The following GAREM1 variants were observed in gnomAD, a reference collection of about 807,000 sequenced individuals.
GAREM1 encodes the protein GRB2 associated regulator of MAPK1 subtype 1.
In GAREM1, 26 loss-of-function variants were observed where a neutral mutation model predicts 71.3. That is an observed-to-expected ratio of 0.36 (90% CI 0.27 to 0.51). GAREM1 has a LOEUF of 0.51. GAREM1 is among the 20% of genes least tolerant of loss of function. The pLI, the probability that GAREM1 is intolerant of heterozygous loss-of-function variation, is 0.95. For synonymous variants in GAREM1, 440 were observed against 433.2 expected (o/e 1.02, Z -0.20); for missense variants, 1,026 against 1,103.1 (o/e 0.93, Z 0.99).
chr18:32,435,518 C>A (rs2048667511), intron 1 of GAREM1, among the ~76,000 whole-genome samples: 2 of 151,890 alleles, frequency 1.3e-5, no homozygotes, highest in East Asian at 3.9e-4. Context: ...CATTTGTCTG[C>A]AGAACATCAT....
At chr18:32,370,842 A>G (rs181443226) in intron 2 of GAREM1, among the ~76,000 whole-genome samples, 1 of 152,334 alleles carries the variant, frequency 6.6e-6, no homozygotes, top group Admixed American at 6.5e-5. Flanking sequence ...GCTGTTTACA[A>G]TCTTTATATA....
chr18:32,440,108 AT>A (rs1262333809), intron 1 of GAREM1, among the ~76,000 whole-genome samples: 6 of 152,102 alleles, frequency 3.9e-5, no homozygotes, highest in Non-Finnish European at 8.8e-5. Flanking sequence ...CATTTATTTG[AT>A]TGTTTATTAG....
At chr18:32,456,130 A>C (rs1196226118) in intron 1 of GAREM1, among the ~76,000 whole-genome samples, 1 of 152,174 alleles carries the variant, frequency 6.6e-6, no homozygotes, top group Non-Finnish European at 1.5e-5. Context: ...ACTTCTCTGT[A>C]TATGTGAAAA....
chr18:32,362,605 A>C (rs970541108), intron 2 of GAREM1, among the ~76,000 whole-genome samples: 4 of 152,230 alleles, frequency 2.6e-5, no homozygotes, highest in Non-Finnish European at 5.9e-5. Flanking sequence ...TATATGGTTT[A>C]ACCAAATGAT....
intron 4 of GAREM1, among the ~76,000 whole-genome samples, chr18:32,279,981 G>A (rs2041592665): frequency 6.6e-6 from 1 of 152,128 alleles, no homozygotes; most frequent in Non-Finnish European, 1.5e-5. Flanking sequence ...TGGGAACTTA[G>A]GTATGGCTTG....
rs1011295504 is a variant in GAREM1, at chr18:32,267,058, G to A, written c.*813C>T. On this transcript the variant is annotated 3_prime_UTR_variant, in exon 6 of 6. Coordinates refer to ENST00000269209, the MANE Select transcript of GAREM1 (RefSeq NM_001242409.2). ...GAGTCATTCTGTCCACTATTCCTAA[G>A]AGAATCAATGTAGATAACAGTCCCA... 4 of 152,178 alleles carry A rather than the reference G, an allele frequency of 2.6e-5. No homozygotes were observed. The highest frequency in any genetic ancestry group is 9.7e-5 in the African/African-American group (4 of 41,442). 9.4% of individuals were successfully genotyped at this position (152,178 alleles called of 1,614,324 possible). A position where few individuals can be genotyped will look rare whatever the true frequency, so the allele number is the denominator to read the frequency against.
At chr18:32,269,692 A>T (rs2041429303) in intron 5 of GAREM1, among the ~76,000 whole-genome samples, 1 of 152,186 alleles carries the variant, frequency 6.6e-6, no homozygotes, top group Non-Finnish European at 1.5e-5. Context: ...GGTACTTGCC[A>T]ACAATGGAAT....
chr18:32,337,234 G>A (rs1440081655), intron 2 of GAREM1, among the ~76,000 whole-genome samples: 1 of 152,162 alleles, frequency 6.6e-6, no homozygotes, highest in Admixed American at 6.5e-5. Flanking sequence ...GGTTTGAAAT[G>A]GTGCCAGAAT....
intron 2 of GAREM1, among the ~76,000 whole-genome samples, chr18:32,317,162 T>C (rs1472854295): frequency 1.3e-5 from 2 of 152,198 alleles, no homozygotes; most frequent in African/African-American, 2.4e-5. Context: ...CCCAGCACTT[T>C]GGCAGGCCGA....
intron 1 of GAREM1, among the ~76,000 whole-genome samples, chr18:32,466,323 C>T (rs550613456): frequency 6.6e-6 from 1 of 152,130 alleles, no homozygotes; most frequent in South Asian, 2.1e-4. Context: ...AAATGTTTAA[C>T]TTTCAAAAGA....
intron 4 of GAREM1, among the ~76,000 whole-genome samples, chr18:32,270,897 G>GTTTTTTTTTTTTTTTTTTTTT (rs58914123): frequency 1.1e-5 from 1 of 92,596 alleles, no homozygotes; most frequent in Non-Finnish European, 2.0e-5. Flanking sequence ...GTTCAGGGAT[G>GTTTTTTTTTTTTTTTTTTTTT]TTTTTTTTTT....
intron 2 of GAREM1, among the ~76,000 whole-genome samples, chr18:32,322,882 TA>T (rs1225832218): frequency 6.6e-6 from 1 of 152,196 alleles, no homozygotes; most frequent in Non-Finnish European, 1.5e-5. Flanking sequence ...CGCAGTGCCG[TA>T]ACAGCTGGAA....
intron 3 of GAREM1, 35 bp downstream of exon 3, chr18:32,310,158 T>C (rs763066747): frequency 3.7e-6 from 6 of 1,608,520 alleles, no homozygotes; most frequent in East Asian, 2.2e-5. Flanking sequence ...TTATCTTTAG[T>C]GAGTATAAAT....
intron 2 of GAREM1, among the ~76,000 whole-genome samples, chr18:32,387,590 G>C (rs185621510): frequency 6.6e-6 from 1 of 152,240 alleles, no homozygotes; most frequent in Admixed American, 6.5e-5. Flanking sequence ...AGCAAAATAC[G>C]TGATGTTGAC....
Position 32,287,697 on chromosome 18 carries a change from GT to G in GAREM1, c.899del (p.His300ProfsTer2). 1.2e-6 allele frequency: 2 copies of G among 1,614,190 alleles called. No individual in the cohort carries two copies. Among genetic ancestry groups the G allele is most frequent in the Non-Finnish European group, 1.7e-6 (2 of 1,180,036 alleles). On this transcript the variant is annotated frameshift_variant, in exon 4 of 6. Coordinates refer to ENST00000269209, the MANE Select transcript of GAREM1 (RefSeq NM_001242409.2). LOFTEE classifies it high-confidence loss of function. This position sits in a 1 kb window ranked among gnomAD's most constrained non-coding sequence, Gnocchi z 5.9. ...NKILPMHFPLHLTVPKFSLPE... is the reference protein window; with the variant it reads ...NKILPMHFPLXLTVPKFSLPE... ...GGAGGCTGAACTTGGGGACAGTCAA[GT>G]GCAAAGGAAAGTGCATGGGGAGGAT...
intron 2 of GAREM1, among the ~76,000 whole-genome samples, chr18:32,329,238 T>C (rs1291731280): frequency 1.3e-5 from 2 of 152,064 alleles, no homozygotes; most frequent in African/African-American, 2.4e-5. Context: ...CAGTCAAGTG[T>C]AGTGGCAAGT....
intron 1 of GAREM1, among the ~76,000 whole-genome samples, chr18:32,415,657 T>A (rs1489335286): frequency 6.6e-6 from 1 of 152,106 alleles, no homozygotes. Flanking sequence ...AAAAATCATT[T>A]GATAAAGCTC....
chr18:32,357,538 G>C (rs2047818324), intron 2 of GAREM1, among the ~76,000 whole-genome samples: 1 of 152,146 alleles, frequency 6.6e-6, no homozygotes, highest in South Asian at 2.1e-4. Flanking sequence ...ATGGGCACAG[G>C]ACCCGAAGGG....
At chr18:32,364,382 T>A (rs1233670727) in intron 2 of GAREM1, among the ~76,000 whole-genome samples, 1 of 151,874 alleles carries the variant, frequency 6.6e-6, no homozygotes, top group South Asian at 2.1e-4. Flanking sequence ...TACCCCTGTC[T>A]TCACCGCTCC....
Sources: allele counts gnomAD v4.1 joint callset (sites outside exome capture counted in the v4.1 genomes callset), GRCh38; gene constraint gnomAD v4.1.1; non-coding constraint Gnocchi (gnomAD v3.1); transcripts MANE v1.5; gene names NCBI Gene and HGNC (gene_info 2026-07-23, HGNC 2026-07-21).